SORCS1: variants seen among roughly 807,000 people sequenced by gnomAD.
The protein encoded by SORCS1 is sortilin related VPS10 domain containing receptor 1.
SORCS1 carries 60 observed loss-of-function variants against 146.1 expected under a neutral mutation model. The ratio of observed to expected loss-of-function variants is 0.41; its 90% CI spans 0.33 to 0.51. The LOEUF (loss-of-function observed/expected upper bound fraction) is 0.51, where lower values mean the gene tolerates loss of function less well. Among genes scored for constraint, SORCS1 ranks in the 20% least tolerant of loss-of-function variants. The pLI is 0.21. For missense variants in SORCS1, 1,352 were observed against 1,487.6 expected, an observed-to-expected ratio of 0.91 and a Z score of 1.50; for synonymous variants, 637 against 584.0, an observed-to-expected ratio of 1.09 and a Z score of -1.31.
At chr10:106,615,583 G>A (rs1438335421) in intron 21 of SORCS1, among the ~76,000 whole-genome samples, 2 of 152,154 alleles carry the variant, frequency 1.3e-5, no homozygotes, top group Non-Finnish European at 2.9e-5. Context: ...GGAGGCTGAG[G>A]AGGGAGGATC....
intron 1 of SORCS1, among the ~76,000 whole-genome samples, chr10:107,024,220 G>C (rs991356122): frequency 8.6e-4 from 130 of 151,768 alleles, no homozygotes; most frequent in African/African-American, 2.9e-3. Flanking sequence ...TTTGGCCCCT[G>C]GTTCTGAAGG....
In SORCS1 at chr10:106,912,315, C is replaced by G. The variant is rs193063594; in HGVS notation, c.626+44198G>C. ...TAACTGAACATGAAACAAAACAAAA[C>G]GAAGCAAAACACAATAGTGCCCACC... On this transcript the variant is annotated intron_variant, in intron 2 of 25. Coordinates refer to ENST00000263054, the MANE Select transcript of SORCS1 (RefSeq NM_052918.5). Among the ~76,000 whole-genome samples the G allele has an allele frequency of 3.5e-3, 412 of 117,690 alleles. 2 individuals are homozygous for G. The highest frequency in any genetic ancestry group is 0.013 in the African/African-American group (379 of 29,992). The allele number at this position is 117,690 out of a possible 152,430, so 77.2% of individuals were successfully genotyped here. A position where few individuals can be genotyped will look rare whatever the true frequency, so the allele number is the denominator to read the frequency against.
At chr10:106,833,943 G>A (rs1434516268) in intron 2 of SORCS1, among the ~76,000 whole-genome samples, 10 of 152,058 alleles carry the variant, frequency 6.6e-5, no homozygotes, top group Non-Finnish European at 2.9e-5. Flanking sequence ...ACAGGCGCCC[G>A]CCACCATGCC....
chr10:106,994,946 C>A (rs529196490), intron 1 of SORCS1, among the ~76,000 whole-genome samples: 2 of 152,244 alleles, frequency 1.3e-5, no homozygotes, highest in East Asian at 3.9e-4. Flanking sequence ...ACCTTGTCAA[C>A]AGAATGACTA....
intron 17 of SORCS1, among the ~76,000 whole-genome samples, chr10:106,656,408 G>A (rs1103057): frequency 0.021 from 3,205 of 152,152 alleles, 176 homozygotes; most frequent in East Asian, 0.18. Context: ...AAAATTAGCC[G>A]GGCTTGCTGG....
intron 17 of SORCS1, among the ~76,000 whole-genome samples, chr10:106,658,141 T>G (rs1850446458): frequency 6.6e-6 from 1 of 152,060 alleles, no homozygotes; most frequent in Non-Finnish European, 1.5e-5. Flanking sequence ...AAGAGTAAAG[T>G]TCAGGTTTAA....
rs1009678929 is a variant in SORCS1, at chr10:106,848,912, C to T, written c.627-19239G>A. ...TTTCTTTAAGTATGTTGAATATTGGCCCCCACTCTCTTCTGGCTTGTAGGG... is the reference window on the plus strand; with the variant it reads ...TTTCTTTAAGTATGTTGAATATTGGTCCCCACTCTCTTCTGGCTTGTAGGG... On this transcript the variant is annotated intron_variant, in intron 2 of 25. Transcript: ENST00000263054. 7.6e-4 allele frequency among the ~76,000 whole-genome samples: 114 copies of T among 149,562 alleles called. 2 individuals are homozygous for T. Among genetic ancestry groups the T allele is most frequent in the Middle Eastern group, 3.5e-3 (1 of 282 alleles).
chr10:106,849,659 G>A (rs949475863), intron 2 of SORCS1, among the ~76,000 whole-genome samples: 7 of 151,128 alleles, frequency 4.6e-5, no homozygotes, highest in Non-Finnish European at 7.4e-5. Context: ...GAGGATAGGC[G>A]CTCTGCGTTT....
At chr10:106,626,556 G>C (rs1014234198) in intron 19 of SORCS1, among the ~76,000 whole-genome samples, 3 of 152,144 alleles carry the variant, frequency 2.0e-5, no homozygotes, top group Admixed American at 2.0e-4. Flanking sequence ...CTGAGAGTGT[G>C]ACTCGGTTAT....
intron 2 of SORCS1, among the ~76,000 whole-genome samples, chr10:106,926,883 AGAG>A (rs1194760829): frequency 8.5e-4 from 103 of 121,194 alleles, no homozygotes; most frequent in African/African-American, 3.6e-3. Flanking sequence ...AGAGAGAGAG[AGAG>A]AGAGAGAGAG....
chr10:107,030,264 T>A (rs1958591002), intron 1 of SORCS1, among the ~76,000 whole-genome samples: 1 of 152,188 alleles, frequency 6.6e-6, no homozygotes. Flanking sequence ...TTATTGAGAA[T>A]GCCTAAAGTT....
chr10:106,896,250 G>T (rs1951471367), intron 2 of SORCS1, among the ~76,000 whole-genome samples: 1 of 151,986 alleles, frequency 6.6e-6, no homozygotes, highest in Admixed American at 6.6e-5. Flanking sequence ...CCAACATGGT[G>T]AAACCTCATC....
At chr10:106,787,909 G>A (rs1946130608) in intron 3 of SORCS1, among the ~76,000 whole-genome samples, 2 of 152,148 alleles carry the variant, frequency 1.3e-5, no homozygotes, top group Non-Finnish European at 2.9e-5. Context: ...AGTTCATGAA[G>A]ATACTGTCAT....
intron 1 of SORCS1, among the ~76,000 whole-genome samples, chr10:107,030,093 A>C (rs1003617396): frequency 6.6e-6 from 1 of 152,218 alleles, no homozygotes; most frequent in Non-Finnish European, 1.5e-5. Flanking sequence ...CTACTTGAAA[A>C]AAAATTAAAG....
chr10:106,614,294 G>A (rs1156686978), intron 21 of SORCS1, among the ~76,000 whole-genome samples: 1 of 151,842 alleles, frequency 6.6e-6, no homozygotes, highest in Non-Finnish European at 1.5e-5. Flanking sequence ...GTTTCATTAG[G>A]GTCCAAGCGA....
chr10:106,911,193 C>T (rs568055020), intron 2 of SORCS1, among the ~76,000 whole-genome samples: 4 of 152,148 alleles, frequency 2.6e-5, no homozygotes, highest in Non-Finnish European at 2.9e-5. Context: ...CTCTTTGTTG[C>T]GACTGATGAC....
chr10:106,966,867 T>C (rs1480076124), intron 1 of SORCS1, among the ~76,000 whole-genome samples: 1 of 152,166 alleles, frequency 6.6e-6, no homozygotes, highest in Non-Finnish European at 1.5e-5. Flanking sequence ...TGCTGAAAGC[T>C]AAGTTCCTTC....
intron 18 of SORCS1, among the ~76,000 whole-genome samples, chr10:106,635,328 A>C (rs1390801157): frequency 6.6e-6 from 1 of 152,190 alleles, no homozygotes; most frequent in Non-Finnish European, 1.5e-5. Context: ...GCCCTCACTC[A>C]AGCTTCATCA....
chr10:106,943,662 T>A lies in SORCS1; in HGVS notation c.626+12851A>T, dbSNP rs556263115. ...CTCTACTAAAAATACAAAAAAAAAA[T>A]AGCCGGGCATGGTGGCAGGTGCCTG... On this transcript the variant is annotated intron_variant, in intron 2 of 25. Transcript: ENST00000263054. Among the ~76,000 whole-genome samples, 1,242 of 138,958 alleles carry A rather than the reference T, an allele frequency of 8.9e-3. 9 individuals are homozygous for A. Among genetic ancestry groups the A allele is most frequent in the Non-Finnish European group, 0.016 (968 of 61,370 alleles). The allele number at this position is 138,958 out of a possible 152,430, so 91.2% of individuals were successfully genotyped here. A position where few individuals can be genotyped will look rare whatever the true frequency, so the allele number is the denominator to read the frequency against.
Sources: gnomAD v4.1 joint callset for allele counts (sites outside exome capture counted in the v4.1 genomes callset) on GRCh38, gnomAD v4.1.1 for gene constraint, MANE v1.5 for transcripts, NCBI Gene and HGNC (gene_info 2026-07-23, HGNC 2026-07-21) for gene names.